The following PRKCH variants were observed in gnomAD, a reference collection of about 807,000 sequenced individuals.
PRKCH encodes protein kinase C eta type.
A neutral mutation model predicts 82.5 loss-of-function variants in PRKCH; 28 were observed. The ratio of observed to expected loss-of-function variants is 0.34; its 90% CI spans 0.25 to 0.47. PRKCH has a LOEUF of 0.47. Ranked by LOEUF, PRKCH falls within the 20% of genes least tolerant of loss-of-function variation. The pLI, the probability that PRKCH is intolerant of heterozygous loss-of-function variation, is 1.00. For synonymous variants in PRKCH, 322 were observed against 327.4 expected, an observed-to-expected ratio of 0.98 and a Z score of 0.18; for missense variants, 705 against 881.8, an observed-to-expected ratio of 0.80 and a Z score of 2.54.
intron 1 of PRKCH, among the ~76,000 whole-genome samples, chr14:61,328,195 A>G (rs975682141): frequency 1.4e-5 from 2 of 139,330 alleles, no homozygotes; most frequent in African/African-American, 5.3e-5. Context: ...GCTTGCAGTG[A>G]GCCGAGATTG....
intron 1 of PRKCH, chr14:61,187,713 C>T (rs2044374112): frequency 6.6e-6 from 1 of 152,146 alleles, no homozygotes; most frequent in East Asian, 1.9e-4. Flanking sequence ...GTAGCGTCAG[C>T]AATCTTGTTC....
At chr14:61,311,325 T>C (rs1292310055) in intron 1 of PRKCH, among the ~76,000 whole-genome samples, 1 of 152,206 alleles carries the variant, frequency 6.6e-6, no homozygotes, top group Non-Finnish European at 1.5e-5. Context: ...CAATTTCAGA[T>C]CGTCTCTCTC....
At position 61,280,567 on chromosome 14, in the gene PRKCH, G is replaced by A. The variant is rs202145074; in HGVS notation, c.-19+92899G>A. On this transcript the variant is annotated intron_variant, in intron 1 of 3. Coordinates refer to the PRKCH transcript ENST00000555185. This position sits in a 1 kb window ranked among gnomAD's most constrained non-coding sequence, Gnocchi z 5.0. ...GTAGTCGGTCCACCAGGCGATGCCG[G>A]AGCGGTCGAGCGGCACCTCGACGTA... The A allele has an allele frequency of 7.7e-5, 123 of 1,604,744 alleles. No homozygotes were observed. Among genetic ancestry groups the A allele is most frequent in the Admixed American group, 1.2e-4 (7 of 58,438 alleles).
chr14:61,449,088 C>T, intron 4 of PRKCH, 76 bp from the exon 5 acceptor site: 5 of 1,377,994 alleles, frequency 3.6e-6, no homozygotes, highest in Non-Finnish European at 5.2e-6. Context: ...CACGGTGCAG[C>T]CCTGGTTGAC....
intron 1 of PRKCH, among the ~76,000 whole-genome samples, chr14:61,243,381 C>T (rs1480863029): frequency 2.1e-4 from 6 of 28,696 alleles, no homozygotes; most frequent in African/African-American, 7.1e-4. Flanking sequence ...AAGACTCTGT[C>T]TCAAAAAAAA....
intron 1 of PRKCH, chr14:61,281,412 C>T: frequency 6.3e-6 from 2 of 316,450 alleles, no homozygotes; most frequent in Non-Finnish European, 1.2e-5. Flanking sequence ...CGCACCTCGC[C>T]CGCCCCTTCC....
At chr14:61,332,060 C>T (rs2045795722) in intron 1 of PRKCH, among the ~76,000 whole-genome samples, 1 of 152,198 alleles carries the variant, frequency 6.6e-6, no homozygotes, top group African/African-American at 2.4e-5. Flanking sequence ...GTCCCTGTTA[C>T]GGCAAGTCAG....
intron 1 of PRKCH, among the ~76,000 whole-genome samples, chr14:61,388,134 C>T (rs1300998430): frequency 5.3e-5 from 7 of 131,052 alleles, no homozygotes; most frequent in African/African-American, 9.2e-5. Flanking sequence ...GGTGACAGAG[C>T]GAGACTCTGT....
Position 61,550,644 on chromosome 14 carries a change from C to T in PRKCH, c.*813C>T, listed in dbSNP as rs939356201. 9.2e-5 allele frequency: 14 copies of T among 152,592 alleles called. No individual in the cohort carries two copies. Among genetic ancestry groups the T allele is most frequent in the African/African-American group, 3.4e-4 (14 of 41,434 alleles). 9.5% of individuals were successfully genotyped at this position (152,592 alleles called of 1,614,324 possible). The stretch of plus-strand genomic sequence containing the variant: ...TTGTCTGCACATAACTCTTTTTTCA[C>T]AAGAAGGGTCACTGCCACAACAGCA... On this transcript the variant is annotated 3_prime_UTR_variant, in exon 14 of 14. Coordinates refer to ENST00000332981, the MANE Select transcript of PRKCH (RefSeq NM_006255.5).
chr14:61,427,421 C>G (rs1033705817), intron 2 of PRKCH, among the ~76,000 whole-genome samples: 4 of 152,092 alleles, frequency 2.6e-5, no homozygotes, highest in Non-Finnish European at 1.5e-5. Flanking sequence ...AACAGTTAAT[C>G]TCTTTAGGAT....
At chr14:61,428,086 C>T (rs1377976195) in intron 2 of PRKCH, among the ~76,000 whole-genome samples, 3 of 109,176 alleles carry the variant, frequency 2.7e-5, no homozygotes, top group Non-Finnish European at 5.9e-5. Context: ...TACACACACA[C>T]ACACACACAC....
At chr14:61,496,639 C>T (rs1428375392) in intron 10 of PRKCH, among the ~76,000 whole-genome samples, 1 of 152,168 alleles carries the variant, frequency 6.6e-6, no homozygotes, top group Non-Finnish European at 1.5e-5. Flanking sequence ...TTTCCATAGG[C>T]TGTGCCCCTG....
At chr14:61,231,802 G>A (rs182739099) in intron 1 of PRKCH, among the ~76,000 whole-genome samples, 3 of 152,068 alleles carry the variant, frequency 2.0e-5, no homozygotes, top group Admixed American at 2.0e-4. Context: ...CTGTTTAGAC[G>A]CACAAAATGG....
chr14:61,498,415 C>T (rs939920022), intron 10 of PRKCH, among the ~76,000 whole-genome samples: 1 of 152,170 alleles, frequency 6.6e-6, no homozygotes, highest in Non-Finnish European at 1.5e-5. Flanking sequence ...TGTCAAGCCC[C>T]AGCCTCACGC....
intron 2 of PRKCH, among the ~76,000 whole-genome samples, chr14:61,439,566 G>A (rs746781622): frequency 6.6e-5 from 10 of 152,160 alleles, no homozygotes; most frequent in Non-Finnish European, 1.0e-4. Context: ...AAAGAGACAC[G>A]GCCCCAGGTC....
chr14:61,347,208 A>G (rs1198425527), intron 1 of PRKCH, among the ~76,000 whole-genome samples: 1 of 152,248 alleles, frequency 6.6e-6, no homozygotes, highest in African/African-American at 2.4e-5. Flanking sequence ...GTGCCAAGCT[A>G]AAGGAGGGAA....
chr14:61,375,026 A>G (rs1296635663), intron 1 of PRKCH, among the ~76,000 whole-genome samples: 1 of 152,170 alleles, frequency 6.6e-6, no homozygotes, highest in Middle Eastern at 3.4e-3. Context: ...CTTCACTCAT[A>G]TGAGTGTACA....
In PRKCH at chr14:61,331,111, A is replaced by G. The variant is rs113138718; in HGVS notation, c.363+8647A>G. Among the ~76,000 whole-genome samples, 673 of 152,322 alleles carry G rather than the reference A, an allele frequency of 4.4e-3. 6 individuals are homozygous for G. The highest frequency in any genetic ancestry group is 0.014 in the African/African-American group (602 of 41,578). ...TGAGAAGTGTAATATACATACATTT[A>G]ATATGTATTAATATCTATCTAATCT... On this transcript the variant is annotated intron_variant, in intron 1 of 13. Transcript: ENST00000332981.
At chr14:61,346,937 C>A (rs1285074747) in intron 1 of PRKCH, among the ~76,000 whole-genome samples, 2 of 152,096 alleles carry the variant, frequency 1.3e-5, no homozygotes, top group Non-Finnish European at 1.5e-5. Context: ...CCCTCATTAG[C>A]TAATGATGTT....
Sources: allele counts gnomAD v4.1 joint callset (sites outside exome capture counted in the v4.1 genomes callset), GRCh38; gene constraint gnomAD v4.1.1; non-coding constraint Gnocchi (gnomAD v3.1); transcripts MANE v1.5; gene names NCBI Gene and HGNC (gene_info 2026-07-23, HGNC 2026-07-21).